Variants in COL6A5 observed in about 807,000 individuals in gnomAD.
COL6A5 encodes collagen alpha-5(VI) chain.
Under a neutral mutation model 65.6 loss-of-function variants are expected in COL6A5, and 48 were observed. That is an observed-to-expected ratio of 0.73 (90% confidence interval 0.58 to 0.93). The LOEUF (loss-of-function observed/expected upper bound fraction) is 0.93. Among genes scored for constraint, COL6A5 ranks in the 40% least tolerant of loss-of-function variants. The pLI, the probability that COL6A5 is intolerant of heterozygous loss-of-function variation, is 0.00. For synonymous variants in COL6A5, 291 were observed against 322.8 expected (o/e 0.90, Z 1.05); for missense variants, 914 against 928.3 (o/e 0.98, Z 0.20).
At chr3:130,388,589 A>G in exon 6 of COL6A5, 5 of 1,537,788 alleles carry the variant, frequency 3.3e-6, no homozygotes, top group Non-Finnish European at 4.4e-6. Flanking sequence ...GGATGTGAAG[A>G]CATGAAGGCC....
chr3:130,422,813 A>G (rs1387724817), intron 28 of COL6A5, 31 bp downstream of exon 28: 3 of 1,336,650 alleles, frequency 2.2e-6, no homozygotes, highest in Non-Finnish European at 3.0e-6. Context: ...GAAATGATAA[A>G]TATTCCTTTG....
chr3:130,392,247 C>G (rs1176468842), intron 7 of COL6A5, among the ~76,000 whole-genome samples: 1 of 152,138 alleles, frequency 6.6e-6, no homozygotes, highest in African/African-American at 2.4e-5. Context: ...ATTCAAGTGG[C>G]CTGATGTGCT....
chr3:130,388,876 C>T (rs948721338), exon 6 of COL6A5: 19 of 1,551,060 alleles, frequency 1.2e-5, no homozygotes, highest in Non-Finnish European at 1.5e-5. Flanking sequence ...ATACTTCACC[C>T]ACTCCAAGGG....
chr3:130,432,322 A>G (rs1199382629), intron 1 of COL6A5, among the ~76,000 whole-genome samples: 1 of 152,162 alleles, frequency 6.6e-6, no homozygotes, highest in African/African-American at 2.4e-5. Flanking sequence ...CGGGAGGCCA[A>G]GGCGGGCGAA....
chr3:130,373,763 C>T, intron 2 of COL6A5, 58 bp downstream of exon 2: 1 of 1,002,644 alleles, frequency 1.0e-6, no homozygotes, highest in Non-Finnish European at 1.5e-6. Context: ...TCTCAGTAAA[C>T]TTTAATAAAC....
intron 15 of COL6A5, 53 bp from the exon 16 acceptor site, chr3:130,406,078 G>A (rs1936980259): frequency 1.3e-6 from 2 of 1,547,964 alleles, no homozygotes; most frequent in Admixed American, 2.0e-5. Flanking sequence ...TTCCGAATAA[G>A]CGTGTGGCAG....
chr3:130,382,288 G>A lies in COL6A5; in HGVS notation c.1300+2238G>A, dbSNP rs77417904. The stretch of plus-strand genomic sequence containing the variant: ...AGAATTTACATTTAAGCACATGCAG[G>A]GAATGTAAATTTCTGGACACTCCTG... On this transcript the variant is annotated intron_variant and NMD_transcript_variant, in intron 4 of 41. Coordinates refer to the COL6A5 transcript ENST00000312481. Among the ~76,000 whole-genome samples, 1,484 of 152,158 alleles carry A rather than the reference G, an allele frequency of 9.8e-3. 23 individuals are homozygous for A. The highest frequency in any genetic ancestry group is 0.034 in the African/African-American group (1,426 of 41,540).
At chr3:130,385,034 A>T (rs1378264353) in exon 5 of COL6A5, 1 of 1,550,842 alleles carries the variant, frequency 6.4e-7, no homozygotes, top group East Asian at 2.4e-5. Flanking sequence ...GGCTATTTTT[A>T]ACATTAAGCA....
chr3:130,448,509 C>T (rs888781252), intron 4 of COL6A5, among the ~76,000 whole-genome samples: 28 of 152,068 alleles, frequency 1.8e-4, no homozygotes, highest in African/African-American at 6.5e-4. Context: ...CTTTTGAGGT[C>T]GAATGCATTG....
At chr3:130,415,020 C>T (rs141414420) in intron 22 of COL6A5, among the ~76,000 whole-genome samples, 1 of 152,178 alleles carries the variant, frequency 6.6e-6, no homozygotes, top group African/African-American at 2.4e-5. Flanking sequence ...ATACCTCAGA[C>T]ACCCGTGGGT....
chr3:130,363,123 G>A (rs1242519516), intron 1 of COL6A5, among the ~76,000 whole-genome samples: 1 of 151,874 alleles, frequency 6.6e-6, no homozygotes, highest in African/African-American at 2.4e-5. Flanking sequence ...TGTGGTTTTA[G>A]TTGAGCATTT....
chr3:130,408,087 GA>G (rs1324789752), intron 17 of COL6A5, among the ~76,000 whole-genome samples: 1 of 152,134 alleles, frequency 6.6e-6, no homozygotes, highest in Admixed American at 6.5e-5. Context: ...TGAGCACCTT[GA>G]AAAAGACAGG....
chr3:130,427,898 G>A (rs1937640683), upstream of COL6A5, among the ~76,000 whole-genome samples: 1 of 151,996 alleles, frequency 6.6e-6, no homozygotes, highest in African/African-American at 2.4e-5. Flanking sequence ...AGTGGGAAAG[G>A]CCCTTCAGCA....
intron 1 of COL6A5, among the ~76,000 whole-genome samples, chr3:130,370,949 C>T (rs1935531159): frequency 1.3e-5 from 2 of 152,052 alleles, no homozygotes; most frequent in African/African-American, 4.8e-5. Context: ...ACTCTGGGCT[C>T]CAGTGTTCAT....
chr3:130,388,095 A>G (rs2107649664), intron 5 of COL6A5, among the ~76,000 whole-genome samples: 1 of 152,144 alleles, frequency 6.6e-6, no homozygotes, highest in South Asian at 2.1e-4. Context: ...ATTGATTTAT[A>G]GTGTTTATGA....
intron 4 of COL6A5, among the ~76,000 whole-genome samples, chr3:130,446,002 C>T (rs1709295126): frequency 6.6e-6 from 1 of 152,098 alleles, no homozygotes; most frequent in South Asian, 2.1e-4. Flanking sequence ...ATTACTCCTC[C>T]TTTCATTTGT....
chr3:130,432,601 A>G (rs939039266), intron 1 of COL6A5, among the ~76,000 whole-genome samples: 5 of 151,552 alleles, frequency 3.3e-5, no homozygotes, highest in South Asian at 2.1e-4. Flanking sequence ...TGACTTAACT[A>G]TATACCACTA....
chr3:130,405,870 C>G, intron 14 of COL6A5, 123 bp from the exon 15 acceptor site: 2 of 1,036,694 alleles, frequency 1.9e-6, no homozygotes, highest in Non-Finnish European at 2.9e-6. Flanking sequence ...CATCTCTAAC[C>G]TCTTTGTAGA....
In COL6A5 at chr3:130,402,228, T is replaced by G. The variant is rs185193493; in HGVS notation, c.4227+374T>G. Among the ~76,000 whole-genome samples, 1,359 of 152,244 alleles carry G rather than the reference T, an allele frequency of 8.9e-3. 17 individuals carry two copies. The highest frequency in any genetic ancestry group is 0.012 in the Non-Finnish European group (815 of 68,016). On this transcript the variant is annotated intron_variant and NMD_transcript_variant, in intron 12 of 41. Coordinates refer to the COL6A5 transcript ENST00000312481. ...GGCTAAGGTGGGAAGATCACTTGAT[T>G]GTTCAAGACCAGCCAGGGCAACATA...
Sources: gnomAD v4.1 joint callset for allele counts (sites outside exome capture counted in the v4.1 genomes callset) on GRCh38, gnomAD v4.1.1 for gene constraint, MANE v1.5 for transcripts, NCBI Gene and HGNC (gene_info 2026-07-23, HGNC 2026-07-21) for gene names.